Variants in CSMD1 observed in about 807,000 individuals in gnomAD.
CSMD1 encodes the protein CUB and sushi domain-containing protein 1.
A neutral mutation model predicts 417.5 loss-of-function variants in CSMD1; 213 were observed. That is an observed-to-expected ratio of 0.51 (90% CI 0.46 to 0.57). The LOEUF is 0.57. Among genes scored for constraint, CSMD1 ranks in the 20% least tolerant of loss-of-function variants. The probability of loss-of-function intolerance (pLI) is 0.00; values close to 1 mark genes in which losing one functional copy is unlikely to be tolerated. For missense variants in CSMD1, 6,923 were observed against 4,529.7 expected, an observed-to-expected ratio of 1.53 and a Z score of -15.17; for synonymous variants, 2,862 against 1,736.8, an observed-to-expected ratio of 1.65 and a Z score of -16.11.
rs1163543399 is a variant in CSMD1 at position 3,230,883 on chromosome 8, A to G, written c.4154-652T>C. Among the ~76,000 whole-genome samples, 5 of 152,262 alleles carry G rather than the reference A, an allele frequency of 3.3e-5. No individual in the cohort carries two copies. The East Asian group carries it at 9.6e-4, about 29-fold the overall frequency. ...ATATCCTGCCTTTCTGCATATATAT[A>G]AAGAATCTCAAATCTGCTGAGTAGA... On this transcript the variant is annotated intron_variant, in intron 26 of 69. Transcript: ENST00000635120.
rs1801010288 is a variant in CSMD1, at chr8:3,260,894, CG to C, written c.4153+23249del. On this transcript the variant is annotated intron_variant, in intron 26 of 69. Coordinates refer to ENST00000635120, the MANE Select transcript of CSMD1 (RefSeq NM_033225.6). ...ACTGGGAGAAAATGCTTGAAAGCCA[CG>C]TATCTGACAACAGACTAGTGTCTTA... Among the ~76,000 whole-genome samples, 6 of 152,042 alleles carry C rather than the reference CG, an allele frequency of 3.9e-5. No homozygotes were observed. In the South Asian group the frequency reaches 1.2e-3, roughly 32 times the overall value.
At chr8:4,133,552 G>A (rs1012072136) in intron 3 of CSMD1, among the ~76,000 whole-genome samples, 1 of 152,094 alleles carries the variant, frequency 6.6e-6, no homozygotes, top group African/African-American at 2.4e-5. Context: ...TGGTATAAGG[G>A]TTTTGTAGGA....
intron 8 of CSMD1, among the ~76,000 whole-genome samples, chr8:3,595,078 T>C (rs928965179): frequency 2.0e-5 from 3 of 152,182 alleles, no homozygotes; most frequent in African/African-American, 7.2e-5. Flanking sequence ...TTAAAATAAA[T>C]GCTTTAGGTA....
chr8:4,743,968 G>A (rs1174567246), intron 1 of CSMD1, among the ~76,000 whole-genome samples: 1 of 152,174 alleles, frequency 6.6e-6, no homozygotes, highest in African/African-American at 2.4e-5. Flanking sequence ...TCCATGAGAT[G>A]ACGGACTCTA....
At chr8:3,887,962 G>A (rs1400014520) in intron 5 of CSMD1, among the ~76,000 whole-genome samples, 1 of 152,090 alleles carries the variant, frequency 6.6e-6, no homozygotes, top group Non-Finnish European at 1.5e-5. Context: ...TAAGAAAACA[G>A]AGAAAACAAG....
chr8:4,097,148 C>G (rs1801056194), intron 3 of CSMD1, among the ~76,000 whole-genome samples: 1 of 152,150 alleles, frequency 6.6e-6, no homozygotes, highest in African/African-American at 2.4e-5. Flanking sequence ...CTGTTCATTT[C>G]TTTCTGTCAT....
chr8:4,289,417 G>C (rs1316548250), intron 3 of CSMD1, among the ~76,000 whole-genome samples: 1 of 56,136 alleles, frequency 1.8e-5, no homozygotes, highest in South Asian at 6.6e-4. Flanking sequence ...CAGGGCCTGT[G>C]TTTCTCCTAT....
At chr8:4,386,058 T>TC (rs1206571530) in intron 3 of CSMD1, among the ~76,000 whole-genome samples, 8 of 152,198 alleles carry the variant, frequency 5.3e-5, no homozygotes, top group African/African-American at 1.7e-4. Context: ...TCCTGTCTTC[T>TC]CTGTGATACC....
intron 2 of CSMD1, among the ~76,000 whole-genome samples, chr8:4,453,769 C>T (rs1418217998): frequency 1.3e-5 from 2 of 151,020 alleles, no homozygotes; most frequent in African/African-American, 2.4e-5. Context: ...GAGCGAACGC[C>T]TCAGCTTTCA....
intron 26 of CSMD1, among the ~76,000 whole-genome samples, chr8:3,253,316 A>G (rs942607788): frequency 6.6e-6 from 1 of 152,022 alleles, no homozygotes; most frequent in Non-Finnish European, 1.5e-5. Context: ...CAGGTCGTTC[A>G]GTTTCCATGT....
At chr8:4,422,554 G>C (rs1019765535) in intron 2 of CSMD1, among the ~76,000 whole-genome samples, 1 of 152,022 alleles carries the variant, frequency 6.6e-6, no homozygotes, top group Non-Finnish European at 1.5e-5. Context: ...CTGTCTACAA[G>C]TCAGGAAGAG....
chr8:3,465,389 G>A (rs943629749), intron 12 of CSMD1, among the ~76,000 whole-genome samples: 5 of 152,120 alleles, frequency 3.3e-5, no homozygotes, highest in Non-Finnish European at 5.9e-5. Flanking sequence ...TCTCACATAT[G>A]CCCAAGCCTA....
At chr8:3,984,149 G>GCTCTA (rs1286047989) in intron 5 of CSMD1, among the ~76,000 whole-genome samples, 2 of 152,022 alleles carry the variant, frequency 1.3e-5, no homozygotes, top group African/African-American at 4.8e-5. Context: ...GTCAATTGCA[G>GCTCTA]CTCTAGAGCA....
intron 2 of CSMD1, among the ~76,000 whole-genome samples, chr8:4,527,029 T>G (rs1201068060): frequency 6.6e-6 from 1 of 152,208 alleles, no homozygotes; most frequent in South Asian, 2.1e-4. Context: ...AGCTGTATAA[T>G]ATTTCATATT....
At chr8:4,357,929 T>C (rs1039732960) in intron 3 of CSMD1, among the ~76,000 whole-genome samples, 1 of 152,144 alleles carries the variant, frequency 6.6e-6, no homozygotes, top group Non-Finnish European at 1.5e-5. Flanking sequence ...ATATACTTAA[T>C]TAAAAGCCCA....
chr8:4,092,167 C>G (rs551074479), intron 3 of CSMD1, among the ~76,000 whole-genome samples: 135 of 152,264 alleles, frequency 8.9e-4, no homozygotes, highest in African/African-American at 3.2e-3. Context: ...CTAAAGAGGA[C>G]AATTTCAAAA....
chr8:4,922,577 A>C (rs1806569005), intron 1 of CSMD1, among the ~76,000 whole-genome samples: 1 of 152,174 alleles, frequency 6.6e-6, no homozygotes, highest in African/African-American at 2.4e-5. Flanking sequence ...TTTGTTTTCT[A>C]TAAAAGCTAT....
chr8:3,613,465 G>A (rs980766819), intron 8 of CSMD1, among the ~76,000 whole-genome samples: 5 of 151,822 alleles, frequency 3.3e-5, no homozygotes, highest in South Asian at 2.1e-4. Context: ...AAAGTCTACA[G>A]CCTATCATAA....
intron 3 of CSMD1, among the ~76,000 whole-genome samples, chr8:4,106,632 A>C (rs1005766093): frequency 6.6e-6 from 1 of 152,238 alleles, no homozygotes. Context: ...ATATATCCAA[A>C]ATGTGATGTT....
Sources: allele counts gnomAD v4.1 joint callset (sites outside exome capture counted in the v4.1 genomes callset), GRCh38; gene constraint gnomAD v4.1.1; transcripts MANE v1.5; gene names NCBI Gene and HGNC (gene_info 2026-07-23, HGNC 2026-07-21).